Variants in SHANK1 observed in about 807,000 individuals in gnomAD.
SHANK1 encodes the protein SH3 and multiple ankyrin repeat domains 1, also known as SH3 and multiple ankyrin repeat domains protein 1.
In SHANK1, 35 loss-of-function variants were observed where a neutral mutation model predicts 165.6. That is an observed-to-expected ratio of 0.21 (90% confidence interval 0.16 to 0.28). The LOEUF is 0.28. Ranked by LOEUF, SHANK1 falls within the 10% of genes least tolerant of loss-of-function variation. The pLI, the probability that SHANK1 is intolerant of heterozygous loss-of-function variation, is 1.00. For synonymous variants in SHANK1, 1,428 were observed against 1,384.8 expected, an observed-to-expected ratio of 1.03 and a Z score of -0.69; for missense variants, 2,681 against 3,036.4, an observed-to-expected ratio of 0.88 and a Z score of 2.75.
At chr19:50,691,427 C>T (rs1986535788) in intron 15 of SHANK1, among the ~76,000 whole-genome samples, 1 of 152,128 alleles carries the variant, frequency 6.6e-6, no homozygotes, top group African/African-American at 2.4e-5. Context: ...CCACAAACCC[C>T]TCCCTTCCTC....
chr19:50,659,308 C>G lies in SHANK1; in HGVS notation c.*2657G>C. On this transcript the variant is annotated 3_prime_UTR_variant, in exon 24 of 24. Transcript: ENST00000293441. ...TATAAAGAATGACCTGGTACAAAAG[C>G]CATTTCTCTCTGCAAAATCTTGGTG... 1.9e-6 allele frequency: 1 copy of G among 518,884 alleles called. No homozygotes were observed. The highest frequency in any genetic ancestry group is 8.9e-5 in the South Asian group (1 of 11,252). The allele number at this position is 518,884 out of a possible 1,614,324, so 32.1% of individuals were successfully genotyped here. A position where few individuals can be genotyped will look rare whatever the true frequency, so the allele number is the denominator to read the frequency against.
intron 15 of SHANK1, among the ~76,000 whole-genome samples, chr19:50,692,083 G>C (rs1416589571): frequency 1.3e-5 from 2 of 152,018 alleles, no homozygotes; most frequent in African/African-American, 4.8e-5. Context: ...ATACCCAAGA[G>C]AATACTCGGG....
chr19:50,716,641 G>T lies in SHANK1; in HGVS notation c.255+24C>A. ...GTTGGGGCACTGTCCCTCTCCTGCC[G>T]CTGGCCAGTGGGCAGGTACTCACTG... On this transcript the variant is annotated intron_variant, in intron 2 of 23. Transcript: ENST00000293441. The surrounding 1 kb of genome is among the most constrained non-coding windows in gnomAD (Gnocchi z 8.4). 6.4e-7 allele frequency: 1 copy of T among 1,551,610 alleles called. No individual in the cohort carries two copies. Among genetic ancestry groups the T allele is most frequent in the Non-Finnish European group, 8.7e-7 (1 of 1,146,604 alleles).
At position 50,716,905 on chromosome 19, in the gene SHANK1, G is replaced by A. The variant is rs199560887; in HGVS notation, c.15C>T (p.Pro5=). 63 of 1,446,340 alleles carry A rather than the reference G, an allele frequency of 4.4e-5. No individual in the cohort carries two copies. The Admixed American group carries it at 1.2e-3, about 29-fold the overall frequency. 89.6% of individuals were successfully genotyped at this position (1,446,340 alleles called of 1,614,324 possible). A position where few individuals can be genotyped will look rare whatever the true frequency, so the allele number is the denominator to read the frequency against. The change falls in exon 2 of 24, where the codon CCC becomes CCT. Residue 5 remains proline, a synonymous_variant. Transcript: ENST00000293441. The surrounding 1 kb of genome is among the most constrained non-coding windows in gnomAD (Gnocchi z 8.4). MTHS[P]ATSEDEERHS... is the part of the protein sequence containing the mutation. The stretch of plus-strand genomic sequence containing the variant: ...GGCGTTCCTCGTCCTCGCTTGTCGC[G>A]GGGCTGTGGGTCATTGTGGGGCCAC...
At chr19:50,699,574 A>T (rs1178160344) in intron 12 of SHANK1, among the ~76,000 whole-genome samples, 1 of 152,232 alleles carries the variant, frequency 6.6e-6, no homozygotes, top group African/African-American at 2.4e-5. Flanking sequence ...CAGAAGGACC[A>T]GCATGTTTGA....
At position 50,702,607 on chromosome 19, in the gene SHANK1, C is replaced by A; in HGVS notation, c.1607G>T (p.Gly536Val). 1 of 1,590,518 alleles carries A rather than the reference C, an allele frequency of 6.3e-7. No homozygotes were observed. Among genetic ancestry groups the A allele is most frequent in the Non-Finnish European group, 8.6e-7 (1 of 1,168,794 alleles). The change falls in exon 12 of 24, where the codon GGC becomes GTC. Residue 536 changes from glycine to valine, a missense_variant. Physicochemically the swap from Gly to Val is moderately radical, Grantham distance 109. This residue lies in a region of SHANK1 where 195 missense variants were observed against 186.2 expected (regional missense o/e 1.05). Coordinates refer to ENST00000293441, the MANE Select transcript of SHANK1 (RefSeq NM_016148.5). The surrounding 1 kb of genome is among the most constrained non-coding windows in gnomAD (Gnocchi z 5.3). ...GCGGCTGCCCAGGGAGCCCCCGGGG[C>A]CCCCTGAGCCCCCCGTGCCCCCGGC... The part of the protein sequence containing the change: ...GPAGGTGGSG[G>V]PGGSLGSRGR...
In SHANK1 at chr19:50,688,159, A is replaced by G. The variant is rs924115299; in HGVS notation, c.2173-101T>C. 17 of 1,417,120 alleles carry G rather than the reference A, an allele frequency of 1.2e-5. No individual in the cohort carries two copies. Among genetic ancestry groups the G allele is most frequent in the East Asian group, 2.3e-5 (1 of 43,706 alleles). 87.8% of individuals were successfully genotyped at this position (1,417,120 alleles called of 1,614,324 possible). A position where few individuals can be genotyped will look rare whatever the true frequency, so the allele number is the denominator to read the frequency against. ...GGATGCCTCCTGCGCTGCCCTGTCCATGGCCCTCTGGGCTATGTTCCTCTC... is the reference window on the plus strand; with the variant it reads ...GGATGCCTCCTGCGCTGCCCTGTCCGTGGCCCTCTGGGCTATGTTCCTCTC... On this transcript the variant is annotated intron_variant, in intron 17 of 23. Transcript: ENST00000293441. The surrounding 1 kb of genome is among the most constrained non-coding windows in gnomAD (Gnocchi z 6.7).
rs2089092651 is a variant in SHANK1, at chr19:50,718,356, G to A, written c.-44+1050C>T. On this transcript the variant is annotated intron_variant, in intron 1 of 23. Coordinates refer to ENST00000293441, the MANE Select transcript of SHANK1 (RefSeq NM_016148.5). This position sits in a 1 kb window ranked among gnomAD's most constrained non-coding sequence, Gnocchi z 5.1. The stretch of plus-strand genomic sequence containing the variant: ...CCGCACAGCCCACCTCGCGATCTGG[G>A]GCCCGCAGACACTCCCCCTCGGCTG... Among the ~76,000 whole-genome samples the A allele has an allele frequency of 6.6e-6, 1 of 152,140 alleles. No homozygotes were observed. The highest frequency in any genetic ancestry group is 2.1e-4 in the South Asian group (1 of 4,830).
At chr19:50,684,140 G>A (rs1437626560) in intron 21 of SHANK1, among the ~76,000 whole-genome samples, 1 of 152,154 alleles carries the variant, frequency 6.6e-6, no homozygotes, top group Non-Finnish European at 1.5e-5. Context: ...GGGCAGTTGA[G>A]GATAGAAGAA....
intron 1 of SHANK1, 131 bp downstream of exon 1, chr19:50,719,275 A>C (rs1599877510): frequency 6.6e-6 from 1 of 151,106 alleles, no homozygotes; most frequent in Non-Finnish European, 1.5e-5. Context: ...TCCCCACCTC[A>C]CCCGTACCCC....
At position 50,697,325 on chromosome 19, in the gene SHANK1, G is replaced by A. The variant is rs529355855; in HGVS notation, c.1938-203C>T. Among the ~76,000 whole-genome samples, 8 of 144,958 alleles carry A rather than the reference G, an allele frequency of 5.5e-5. No individual in the cohort carries two copies. In the South Asian group the frequency reaches 8.9e-4, roughly 16 times the overall value. On this transcript the variant is annotated intron_variant, in intron 14 of 23. Transcript: ENST00000293441. The surrounding 1 kb of genome is among the most constrained non-coding windows in gnomAD (Gnocchi z 4.7). Reference sequence around the variant, plus strand: ...AGCCAGCCAGACATAAGAGCGCCCCGGCCCCCCCAGGCATCCCCACCCTGC... The same window carrying A: ...AGCCAGCCAGACATAAGAGCGCCCCAGCCCCCCCAGGCATCCCCACCCTGC...
At position 50,696,967 on chromosome 19, in the gene SHANK1, C is replaced by T. The variant is rs1217031545; in HGVS notation, c.1964+129G>A. On this transcript the variant is annotated intron_variant, in intron 15 of 23. Coordinates refer to ENST00000293441, the MANE Select transcript of SHANK1 (RefSeq NM_016148.5). Reference sequence around the variant, plus strand: ...CATGCACACAGATGCGTGTCATGCACACCTACAGAGACACACGTTCACACA... The same window carrying T: ...CATGCACACAGATGCGTGTCATGCATACCTACAGAGACACACGTTCACACA... The T allele has an allele frequency of 1.9e-5, 15 of 784,246 alleles. No individual in the cohort carries two copies. The East Asian group carries it at 2.8e-4, about 15-fold the overall frequency. 48.6% of individuals were successfully genotyped at this position (784,246 alleles called of 1,614,324 possible). A position where few individuals can be genotyped will look rare whatever the true frequency, so the allele number is the denominator to read the frequency against.
At chr19:50,673,385 C>T (rs1311197799) in intron 21 of SHANK1, among the ~76,000 whole-genome samples, 1 of 152,160 alleles carries the variant, frequency 6.6e-6, no homozygotes, top group Non-Finnish European at 1.5e-5. Flanking sequence ...CCACCCCCAC[C>T]TCTTCCTTCT....
At chr19:50,673,059 C>T (rs995702448) in intron 21 of SHANK1, among the ~76,000 whole-genome samples, 6 of 152,110 alleles carry the variant, frequency 3.9e-5, no homozygotes, top group Admixed American at 3.9e-4. Flanking sequence ...TGGACTCGCC[C>T]AGTCCGTTAT....
chr19:50,670,339 A>G lies in SHANK1; in HGVS notation c.2675-1054T>C, dbSNP rs1364378309. ...TGTTTCAAAACATATCCGGAATCCAATCCCTTCTCACCCCTCCAGAGTCAA... is the reference window on the plus strand; with the variant it reads ...TGTTTCAAAACATATCCGGAATCCAGTCCCTTCTCACCCCTCCAGAGTCAA... On this transcript the variant is annotated intron_variant, in intron 22 of 23. Transcript: ENST00000293441. The surrounding 1 kb of genome is among the most constrained non-coding windows in gnomAD (Gnocchi z 4.1). 6.6e-6 allele frequency among the ~76,000 whole-genome samples: 1 copy of G among 152,058 alleles called. No individual in the cohort carries two copies. The highest frequency in any genetic ancestry group is 1.5e-5 in the Non-Finnish European group (1 of 67,988).
chr19:50,697,241 A>ACATT lies in SHANK1; in HGVS notation c.1938-123_1938-120dup. On this transcript the variant is annotated intron_variant, in intron 14 of 23. Coordinates refer to ENST00000293441, the MANE Select transcript of SHANK1 (RefSeq NM_016148.5). The surrounding 1 kb of genome is among the most constrained non-coding windows in gnomAD (Gnocchi z 4.7). ...CCCCACACCGGTGCATGGGACACAC[A>ACATT]CATTCCCACTGCACATGACTGCACA... The ACATT allele has an allele frequency of 7.1e-7, 1 of 1,401,782 alleles. No individual in the cohort carries two copies. Among genetic ancestry groups the ACATT allele is most frequent in the Non-Finnish European group, 1.0e-6 (1 of 992,462 alleles). The allele number at this position is 1,401,782 out of a possible 1,614,324, so 86.8% of individuals were successfully genotyped here. A position where few individuals can be genotyped will look rare whatever the true frequency, so the allele number is the denominator to read the frequency against.
chr19:50,716,495 T>C lies in SHANK1; in HGVS notation c.256-17A>G. On this transcript the variant is annotated splice_polypyrimidine_tract_variant and intron_variant, in intron 2 of 23. Coordinates refer to ENST00000293441, the MANE Select transcript of SHANK1 (RefSeq NM_016148.5). The surrounding 1 kb of genome is among the most constrained non-coding windows in gnomAD (Gnocchi z 8.4). ...AAGGCATTTCTGGTTGGGGAAGAGA[T>C]AGGGGCTAGGGTGGGCCAGGGGCCA... 10 of 1,613,226 alleles carry C rather than the reference T, an allele frequency of 6.2e-6. No individual in the cohort carries two copies. The highest frequency in any genetic ancestry group is 8.5e-6 in the Non-Finnish European group (10 of 1,179,594).
chr19:50,666,959 A>G lies in SHANK1; in HGVS notation c.5001T>C (p.Pro1667=), dbSNP rs764159861. 3.1e-6 allele frequency: 5 copies of G among 1,594,854 alleles called. No homozygotes were observed. The East Asian group carries it at 9.0e-5, about 29-fold the overall frequency. ...CGATGCCAGAATCCGTGCCAGGCGGAGGGTCCGGGCCAGGCTGTGGGGCAG... is the reference window on the plus strand; with the variant it reads ...CGATGCCAGAATCCGTGCCAGGCGGGGGGTCCGGGCCAGGCTGTGGGGCAG... The part of the protein sequence containing the change: ...APAAPQPGPD[P]PPGTDSGIEE... The change falls in exon 23 of 24, where the codon CCT becomes CCC. Residue 1667 remains proline (P), a synonymous_variant. Coordinates refer to ENST00000293441, the MANE Select transcript of SHANK1 (RefSeq NM_016148.5).
chr19:50,693,641 C>T (rs1364775184), intron 15 of SHANK1, among the ~76,000 whole-genome samples: 8 of 148,656 alleles, frequency 5.4e-5, no homozygotes, highest in Non-Finnish European at 4.5e-5. Context: ...TGTGCACGGG[C>T]GCACCCCCAA....
Sources: gnomAD v4.1 joint callset for allele counts (sites outside exome capture counted in the v4.1 genomes callset) on GRCh38, gnomAD v4.1.1 for gene constraint, gnomAD v4.1.1 regional missense constraint, Gnocchi (gnomAD v3.1) non-coding constraint, MANE v1.5 for transcripts, NCBI Gene and HGNC (gene_info 2026-07-23, HGNC 2026-07-21) for gene names.